Variants in TIAM1 observed in about 807,000 individuals in gnomAD.
The protein encoded by TIAM1 is rho guanine nucleotide exchange factor TIAM1.
Under a neutral mutation model 163.5 loss-of-function variants are expected in TIAM1, and 65 were observed. The ratio of observed to expected loss-of-function variants is 0.40; its 90% confidence interval spans 0.33 to 0.49. The LOEUF (loss-of-function observed/expected upper bound fraction) is 0.49. Ranked by LOEUF, TIAM1 falls within the 20% of genes least tolerant of loss-of-function variation. The pLI is 0.77. For synonymous variants in TIAM1, 833 were observed against 810.1 expected, an observed-to-expected ratio of 1.03 and a Z score of -0.48; for missense variants, 1,789 against 2,044.7, an observed-to-expected ratio of 0.87 and a Z score of 2.41.
chr21:31,313,640 T>C (rs2075008511), intron 2 of TIAM1, among the ~76,000 whole-genome samples: 2 of 152,200 alleles, frequency 1.3e-5, no homozygotes, highest in Non-Finnish European at 1.5e-5. Flanking sequence ...AGTGGCGCAA[T>C]CTTGGCTCAC....
At chr21:31,515,818 C>T (rs1479164480) in intron 1 of TIAM1, among the ~76,000 whole-genome samples, 1 of 152,126 alleles carries the variant, frequency 6.6e-6, no homozygotes, top group African/African-American at 2.4e-5. Flanking sequence ...GATTCTAAAA[C>T]ACACCAGGGA....
chr21:31,345,336 G>A (rs192126267), upstream of TIAM1, among the ~76,000 whole-genome samples: 3 of 152,078 alleles, frequency 2.0e-5, no homozygotes, highest in Admixed American at 2.0e-4. Flanking sequence ...CATTAAAGAA[G>A]TCATAATGAC....
chr21:31,127,487 C>G (rs967233201), intron 25 of TIAM1, among the ~76,000 whole-genome samples: 1 of 150,538 alleles, frequency 6.6e-6, no homozygotes, highest in African/African-American at 2.4e-5. Context: ...GGTGTGATCT[C>G]AGCTCACTGC....
chr21:31,289,460 A>G (rs79427211), intron 2 of TIAM1, among the ~76,000 whole-genome samples: 3,615 of 152,238 alleles, frequency 0.024, 147 homozygotes, highest in African/African-American at 0.084. Flanking sequence ...ATTTTTCTCT[A>G]CTGGGTATTC....
chr21:31,143,527 GATAT>G (rs1020621521), intron 20 of TIAM1, among the ~76,000 whole-genome samples: 1 of 151,180 alleles, frequency 6.6e-6, no homozygotes, highest in Non-Finnish European at 1.5e-5. Flanking sequence ...AAAGTTTAAT[GATAT>G]ATATTTTTTA....
intron 1 of TIAM1, among the ~76,000 whole-genome samples, chr21:31,484,331 T>C (rs2046205109): frequency 6.6e-6 from 1 of 152,212 alleles, no homozygotes; most frequent in Non-Finnish European, 1.5e-5. Flanking sequence ...GGCTGGGGAC[T>C]GTGTGTGCTT....
intron 2 of TIAM1, among the ~76,000 whole-genome samples, chr21:31,446,286 G>A (rs557292655): frequency 2.6e-5 from 4 of 152,096 alleles, no homozygotes; most frequent in South Asian, 2.1e-4. Flanking sequence ...TGAAATTTCT[G>A]CAGCTGAAAA....
At chr21:31,290,241 A>T (rs981303406) in intron 2 of TIAM1, among the ~76,000 whole-genome samples, 2 of 152,250 alleles carry the variant, frequency 1.3e-5, no homozygotes, top group Admixed American at 6.5e-5. Flanking sequence ...TTGCACATTC[A>T]TCTGATATTG....
chr21:31,410,796 AGT>A (rs988811791), intron 2 of TIAM1, among the ~76,000 whole-genome samples: 1 of 151,986 alleles, frequency 6.6e-6, no homozygotes, highest in Non-Finnish European at 1.5e-5. Context: ...AGAAAGGGAG[AGT>A]CTGAATCCAG....
chr21:31,525,370 A>C (rs2047744706), intron 1 of TIAM1, among the ~76,000 whole-genome samples: 1 of 151,188 alleles, frequency 6.6e-6, no homozygotes, highest in South Asian at 2.1e-4. Context: ...TCCGTCTCAA[A>C]AAAAAAAAAA....
chr21:31,491,655 C>T (rs1357871877), intron 1 of TIAM1, among the ~76,000 whole-genome samples: 2 of 152,216 alleles, frequency 1.3e-5, no homozygotes, highest in Non-Finnish European at 2.9e-5. Context: ...TTGTGGCCAT[C>T]TGAGAAGGAG....
chr21:31,457,643 T>C lies in TIAM1; in HGVS notation c.-369+6340A>G, dbSNP rs931113121. Among the ~76,000 whole-genome samples, 15 of 152,208 alleles carry C rather than the reference T, an allele frequency of 9.9e-5. No individual in the cohort carries two copies. The South Asian group carries it at 1.5e-3, about 15-fold the overall frequency. The stretch of plus-strand genomic sequence containing the variant: ...TCTAAATTTGAATAACATGCTATGT[T>C]TCAAAGCACTTTCTTATACATTAGC... On this transcript the variant is annotated intron_variant, in intron 2 of 28. Transcript: ENST00000286827.
At chr21:31,529,085 A>AT (rs960487215) in intron 1 of TIAM1, among the ~76,000 whole-genome samples, 36 of 151,170 alleles carry the variant, frequency 2.4e-4, no homozygotes, top group Admixed American at 4.6e-4. Flanking sequence ...TGCCCAGCTA[A>AT]TTTTTTTGTA....
chr21:31,206,621 G>A (rs868147971), intron 11 of TIAM1, among the ~76,000 whole-genome samples: 5 of 152,104 alleles, frequency 3.3e-5, no homozygotes, highest in Admixed American at 6.5e-5. Context: ...CAATGCAGCC[G>A]CAAATTATAC....
At chr21:31,532,401 G>C (rs569534214) in intron 1 of TIAM1, among the ~76,000 whole-genome samples, 1 of 152,180 alleles carries the variant, frequency 6.6e-6, no homozygotes, top group Non-Finnish European at 1.5e-5. Flanking sequence ...TATGCTGCTT[G>C]CTTTTATGTC....
rs183989863 is a variant in TIAM1, at chr21:31,340,843, C to A, written c.-368-1421G>T. ...AACAGAGCAGAGCAGTGGGTAAGAT[C>A]CTTAGGAGATGAGACAAACTGAGAG... On this transcript the variant is annotated intron_variant, in intron 1 of 27. Transcript: ENST00000541036. Among the ~76,000 whole-genome samples the A allele has an allele frequency of 2.0e-5, 3 of 150,864 alleles. No homozygotes were observed. In the South Asian group the frequency reaches 6.3e-4, roughly 32 times the overall value.
At chr21:31,324,737 G>A (rs1373105685) in intron 2 of TIAM1, among the ~76,000 whole-genome samples, 1 of 152,132 alleles carries the variant, frequency 6.6e-6, no homozygotes, top group African/African-American at 2.4e-5. Context: ...GAGATTAACT[G>A]CCCAACTAGA....
intron 15 of TIAM1, among the ~76,000 whole-genome samples, chr21:31,168,237 TG>T (rs997113977): frequency 3.4e-5 from 5 of 149,112 alleles, no homozygotes; most frequent in Non-Finnish European, 7.4e-5. Context: ...GGATTACAGG[TG>T]CCCGTCACCA....
At position 31,217,688 on chromosome 21, in the gene TIAM1, G is replaced by A; in HGVS notation, c.2007C>T (p.Arg669=). 6.2e-7 allele frequency: 1 copy of A among 1,613,430 alleles called. No homozygotes were observed. The highest frequency in any genetic ancestry group is 8.5e-7 in the Non-Finnish European group (1 of 1,179,680). Residue 669 remains arginine (R), a synonymous_variant, in exon 9 of 28, where the codon CGC becomes CGT. Coordinates refer to ENST00000541036, the MANE Select transcript of TIAM1 (RefSeq NM_001353694.2). ...GTCTTCTCACTCCAGTTTCACCAGT[G>A]CGTGCTGCCACCTGAGGATGGCAAG... ...VSSFHALVAA[R]TGETGVRRRT... is the part of the protein sequence containing the mutation.
Sources: allele counts gnomAD v4.1 joint callset (sites outside exome capture counted in the v4.1 genomes callset), GRCh38; gene constraint gnomAD v4.1.1; transcripts MANE v1.5; gene names NCBI Gene and HGNC (gene_info 2026-07-23, HGNC 2026-07-21).